Variants in CCBE1 observed in about 807,000 individuals in gnomAD.
CCBE1 encodes collagen and calcium-binding EGF domain-containing protein 1.
Under a neutral mutation model 50.0 loss-of-function variants are expected in CCBE1, and 37 were observed. The ratio of observed to expected loss-of-function variants is 0.74; its 90% CI spans 0.57 to 0.97. The LOEUF is 0.97. CCBE1 is among the 50% of genes least tolerant of loss of function. The probability of loss-of-function intolerance (pLI) is 0.00; values close to 1 mark genes in which losing one functional copy is unlikely to be tolerated. For synonymous variants in CCBE1, 234 were observed against 203.7 expected (o/e 1.15, Z -1.27); for missense variants, 538 against 523.8 (o/e 1.03, Z -0.26).
At chr18:59,589,619 C>T (rs2053230031) in intron 2 of CCBE1, among the ~76,000 whole-genome samples, 1 of 151,702 alleles carries the variant, frequency 6.6e-6, no homozygotes, top group African/African-American at 2.4e-5. Flanking sequence ...CATGGTGAAA[C>T]CCCGTCTCTA....
chr18:59,561,737 C>T (rs1568207343), intron 2 of CCBE1, among the ~76,000 whole-genome samples: 1 of 152,150 alleles, frequency 6.6e-6, no homozygotes, highest in African/African-American at 2.4e-5. Context: ...AGCAAGGACA[C>T]AGCTTGGCTT....
At chr18:59,555,942 G>A (rs1376357168) in intron 2 of CCBE1, among the ~76,000 whole-genome samples, 1 of 152,204 alleles carries the variant, frequency 6.6e-6, no homozygotes, top group Admixed American at 6.5e-5. Flanking sequence ...CACAGAAAGT[G>A]CCGGAGGGAA....
intron 2 of CCBE1, among the ~76,000 whole-genome samples, chr18:59,537,751 CCTT>C (rs1235017521): frequency 6.6e-6 from 1 of 152,186 alleles, no homozygotes; most frequent in East Asian, 1.9e-4. Context: ...GGTGACTCCT[CCTT>C]CTGTTTAACA....
At chr18:59,486,125 C>A (rs1034980318) in intron 2 of CCBE1, among the ~76,000 whole-genome samples, 30 of 152,124 alleles carry the variant, frequency 2.0e-4, no homozygotes, top group African/African-American at 7.0e-4. Context: ...GAGCTTCAGA[C>A]TCCTCATGGA....
chr18:59,512,841 G>A (rs1914192487), intron 2 of CCBE1, among the ~76,000 whole-genome samples: 1 of 152,232 alleles, frequency 6.6e-6, no homozygotes, highest in Non-Finnish European at 1.5e-5. Flanking sequence ...GAAGATGTGG[G>A]AACATCAGCA....
At chr18:59,630,063 A>G (rs2053832196) in intron 2 of CCBE1, among the ~76,000 whole-genome samples, 1 of 152,230 alleles carries the variant, frequency 6.6e-6, no homozygotes, top group South Asian at 2.1e-4. Flanking sequence ...GCTCGCCAAG[A>G]TCCAGCTGTA....
intron 2 of CCBE1, among the ~76,000 whole-genome samples, chr18:59,500,292 G>T (rs760900033): frequency 1.3e-5 from 2 of 152,176 alleles, no homozygotes; most frequent in Non-Finnish European, 2.9e-5. Context: ...GGAGACCTCT[G>T]TTAATAAAAC....
chr18:59,578,196 A>G (rs1282042592), intron 2 of CCBE1, among the ~76,000 whole-genome samples: 1 of 152,254 alleles, frequency 6.6e-6, no homozygotes, highest in Non-Finnish European at 1.5e-5. Flanking sequence ...CAAACATGAG[A>G]AAAAGCTCAT....
At chr18:59,622,810 A>G (rs1330936578) in intron 2 of CCBE1, among the ~76,000 whole-genome samples, 3 of 132,144 alleles carry the variant, frequency 2.3e-5, no homozygotes, top group Non-Finnish European at 4.6e-5. Context: ...TCAAAAAAAA[A>G]AGAAAGAAAA....
intron 2 of CCBE1, among the ~76,000 whole-genome samples, chr18:59,548,443 G>C (rs188072798): frequency 6.6e-5 from 10 of 152,288 alleles, no homozygotes; most frequent in Non-Finnish European, 1.5e-5. Context: ...AGATTGCAGG[G>C]TGTGGCTAGG....
chr18:59,584,037 A>C (rs1568218766), intron 2 of CCBE1, among the ~76,000 whole-genome samples: 1 of 152,138 alleles, frequency 6.6e-6, no homozygotes, highest in Non-Finnish European at 1.5e-5. Flanking sequence ...GCTGCTATAA[A>C]GACACATGCA....
At chr18:59,685,899 T>A (rs1210049873) in intron 2 of CCBE1, 5 of 152,230 alleles carry the variant, frequency 3.3e-5, no homozygotes, top group African/African-American at 1.2e-4. Flanking sequence ...ATTGGGTAGG[T>A]CTGGGATGAA....
chr18:59,537,228 T>C (rs1240995558), intron 2 of CCBE1, among the ~76,000 whole-genome samples: 1 of 152,148 alleles, frequency 6.6e-6, no homozygotes, highest in Non-Finnish European at 1.5e-5. Context: ...AAACTCAGAT[T>C]CTGGAGTCGT....
At chr18:59,579,320 G>T (rs778731264) in intron 2 of CCBE1, among the ~76,000 whole-genome samples, 1 of 151,914 alleles carries the variant, frequency 6.6e-6, no homozygotes, top group Admixed American at 6.6e-5. Flanking sequence ...GACAGGACGT[G>T]GATCATGCAC....
At chr18:59,535,120 G>A (rs1242763671) in intron 2 of CCBE1, among the ~76,000 whole-genome samples, 1 of 151,976 alleles carries the variant, frequency 6.6e-6, no homozygotes, top group African/African-American at 2.4e-5. Context: ...GATCTTAGAC[G>A]AGGCATTCAG....
At chr18:59,575,744 G>C (rs530982353) in intron 2 of CCBE1, among the ~76,000 whole-genome samples, 3 of 152,340 alleles carry the variant, frequency 2.0e-5, no homozygotes, top group Admixed American at 2.0e-4. Context: ...GCAGTGGCTA[G>C]AGGTAATCAT....
intron 2 of CCBE1, among the ~76,000 whole-genome samples, chr18:59,502,051 G>T (rs189194479): frequency 6.6e-6 from 1 of 152,198 alleles, no homozygotes; most frequent in Non-Finnish European, 1.5e-5. Flanking sequence ...CTCCCACCTC[G>T]GCCTCCCACC....
chr18:59,630,981 A>T (rs937087492), intron 2 of CCBE1, among the ~76,000 whole-genome samples: 6 of 152,220 alleles, frequency 3.9e-5, no homozygotes, highest in African/African-American at 1.4e-4. Flanking sequence ...AAGGTCATAG[A>T]CATCTGTTCT....
intron 2 of CCBE1, among the ~76,000 whole-genome samples, chr18:59,682,636 GGAGT>G (rs1376164877): frequency 6.6e-6 from 1 of 152,206 alleles, no homozygotes; most frequent in African/African-American, 2.4e-5. Context: ...TATTTAACCA[GGAGT>G]AAGTATTCCT....
Sources: gnomAD v4.1 joint callset for allele counts (sites outside exome capture counted in the v4.1 genomes callset) on GRCh38, gnomAD v4.1.1 for gene constraint, MANE v1.5 for transcripts, NCBI Gene and HGNC (gene_info 2026-07-23, HGNC 2026-07-21) for gene names.